NT5DC4: variants seen among roughly 807,000 people sequenced by gnomAD.
The protein encoded by NT5DC4 is 5'-nucleotidase domain containing 4.
NT5DC4 carries 44 observed loss-of-function variants against 26.6 expected under a neutral mutation model. The ratio of observed to expected loss-of-function variants is 1.65; its 90% confidence interval spans 1.30 to 2.13. The LOEUF is 2.13. NT5DC4 is among the 30% of genes most tolerant of loss of function. The pLI is 0.00. For synonymous variants in NT5DC4, 157 were observed against 86.7 expected (o/e 1.81, Z -4.51); for missense variants, 399 against 228.1 (o/e 1.75, Z -4.83).
intron 15 of NT5DC4, among the ~76,000 whole-genome samples, chr2:112,729,059 A>AG (rs761375812): frequency 6.0e-4 from 92 of 152,332 alleles, no homozygotes; most frequent in Non-Finnish European, 1.1e-3. Context: ...AGAACACACC[A>AG]ACCCCCCATC....
upstream of NT5DC4, among the ~76,000 whole-genome samples, chr2:112,719,924 C>CTTTTTCTT (rs758520099): frequency 1.3e-4 from 9 of 69,122 alleles, no homozygotes; most frequent in African/African-American, 5.9e-4. Flanking sequence ...TTCTTTCTTT[C>CTTTTTCTT]TCTTTCTTTC....
intron 15 of NT5DC4, among the ~76,000 whole-genome samples, chr2:112,728,042 C>T (rs559834010): frequency 6.6e-6 from 1 of 152,352 alleles, no homozygotes; most frequent in African/African-American, 2.4e-5. Flanking sequence ...CACTGGTCCC[C>T]AGCCTTGCTA....
upstream of NT5DC4, among the ~76,000 whole-genome samples, chr2:112,720,237 T>C (rs2104692079): frequency 6.9e-6 from 1 of 145,018 alleles, no homozygotes; most frequent in East Asian, 2.0e-4. Flanking sequence ...TTTTTTTTCT[T>C]CGTATTTTTA....
downstream of NT5DC4, among the ~76,000 whole-genome samples, chr2:112,739,316 G>C (rs1243176693): frequency 1.3e-5 from 2 of 152,104 alleles, no homozygotes; most frequent in African/African-American, 4.8e-5. Flanking sequence ...AGCTACTCAG[G>C]AGGGTGAAGT....
chr2:112,720,558 C>A, upstream of NT5DC4, among the ~76,000 whole-genome samples: 1 of 152,128 alleles, frequency 6.6e-6, no homozygotes, highest in East Asian at 1.9e-4. Context: ...TTTCTGCCAC[C>A]CCCCCATTCT....
chr2:112,734,169 ATGTGTG>A (rs59851361), intron 16 of NT5DC4, among the ~76,000 whole-genome samples: 7 of 134,866 alleles, frequency 5.2e-5, no homozygotes, highest in African/African-American at 8.5e-5. Flanking sequence ...TATTATATAT[ATGTGTG>A]TGTGTGTGTG....
Position 112,721,838 on chromosome 2 carries a change from T to G in NT5DC4, c.95T>G (p.Leu32Arg). The part of the protein sequence containing the change: ...WHQRIFVNRS[L>R]ALGKIRCFGF... ...CCCAGGATTTTTGTCAACCGCAGCC[T>G]GGCGCTGGGGAAGATTCGTTGCTTT... The change falls in exon 2 of 17, where the codon CTG becomes CGG. Residue 32 changes from leucine to arginine, a missense_variant. Coordinates refer to ENST00000688554, the MANE Select transcript of NT5DC4 (RefSeq NM_001393655.1). 1 of 717,344 alleles carries G rather than the reference T, an allele frequency of 1.4e-6. No individual in the cohort carries two copies. 44.4% of individuals were successfully genotyped at this position (717,344 alleles called of 1,614,324 possible).
chr2:112,742,875 T>TA (rs1403500858), downstream of NT5DC4: 16 of 703,184 alleles, frequency 2.3e-5, no homozygotes, highest in Non-Finnish European at 3.3e-5. Context: ...AGTTTCCTTT[T>TA]AAAATCTCGT....
At chr2:112,719,966 C>CT (rs1213644900), upstream of NT5DC4, among the ~76,000 whole-genome samples, 2 of 104,084 alleles carry the variant, frequency 1.9e-5, no homozygotes, top group African/African-American at 8.7e-5. Context: ...TTCTTTCTTT[C>CT]TTTCTTTCTT....
At chr2:112,724,405 C>G (rs1194760936) in intron 10 of NT5DC4, 1 of 575,548 alleles carries the variant, frequency 1.7e-6, no homozygotes, top group East Asian at 2.9e-5. Flanking sequence ...CATGGCAGGT[C>G]AAAGGGAGGG....
At chr2:112,729,771 G>A (rs1172245277) in intron 16 of NT5DC4, 67 bp downstream of exon 16, 1 of 715,868 alleles carries the variant, frequency 1.4e-6, no homozygotes, top group African/African-American at 1.7e-5. Context: ...GGTTCCCAGT[G>A]GGGTTGTATC....
chr2:112,719,943 TTTC>T (rs1180154086), upstream of NT5DC4, among the ~76,000 whole-genome samples: 7 of 108,260 alleles, frequency 6.5e-5, 1 homozygote, highest in African/African-American at 2.8e-4. Flanking sequence ...TCTTTCTTTC[TTTC>T]TTTCTTTCTT....
At chr2:112,726,157 G>T (rs1265777980) in intron 13 of NT5DC4, 81 bp from the exon 14 acceptor site, 2 of 712,930 alleles carry the variant, frequency 2.8e-6, no homozygotes, top group East Asian at 5.4e-5. Context: ...CCTCCGCTGG[G>T]CCAGGGCAGA....
Position 112,722,662 on chromosome 2 carries a change from GAGA to G in NT5DC4, c.470-50_470-48del, listed in dbSNP as rs532996918. On this transcript the variant is annotated intron_variant, in intron 5 of 16. Transcript: ENST00000688554. ...TGAGGGTCCCAGCTCTGTCCTGGTG[GAGA>G]ACTGTCTGGCTCCCTGGGCTGACAA... The G allele has an allele frequency of 3.5e-4, 251 of 717,498 alleles. No homozygotes were observed. In the African/African-American group the frequency reaches 3.9e-3, roughly 11 times the overall value. The allele number at this position is 717,498 out of a possible 1,614,324, so 44.4% of individuals were successfully genotyped here. A position where few individuals can be genotyped will look rare whatever the true frequency, so the allele number is the denominator to read the frequency against.
intron 16 of NT5DC4, among the ~76,000 whole-genome samples, chr2:112,732,933 G>T (rs1218639535): frequency 1.3e-5 from 2 of 152,136 alleles, no homozygotes; most frequent in African/African-American, 4.8e-5. Context: ...ATTAACACGT[G>T]TCCTCACTAG....
upstream of NT5DC4, among the ~76,000 whole-genome samples, chr2:112,719,908 C>T (rs1202359678): frequency 1.1e-5 from 1 of 93,884 alleles, no homozygotes; most frequent in Non-Finnish European, 1.9e-5. Flanking sequence ...CTTTCTTTTT[C>T]TTTCTTTCTT....
intron 16 of NT5DC4, among the ~76,000 whole-genome samples, chr2:112,730,244 C>T (rs1272943616): frequency 5.6e-5 from 7 of 124,906 alleles, no homozygotes; most frequent in Non-Finnish European, 1.1e-4. Context: ...ACCCAGGAGG[C>T]GGAGGTTGCG....
At chr2:112,723,899 C>G in intron 9 of NT5DC4, 97 bp downstream of exon 9, 1 of 695,654 alleles carries the variant, frequency 1.4e-6, no homozygotes, top group Non-Finnish European at 2.7e-6. Context: ...GGGCGGGGAG[C>G]CAAGACCCTC....
intron 15 of NT5DC4, among the ~76,000 whole-genome samples, chr2:112,728,966 G>A (rs77225914): frequency 5.9e-5 from 9 of 152,182 alleles, no homozygotes; most frequent in African/African-American, 1.7e-4. Flanking sequence ...GGCCCAGACC[G>A]CTCCTGTGGG....
Sources: gnomAD v4.1 joint callset for allele counts (sites outside exome capture counted in the v4.1 genomes callset) on GRCh38, gnomAD v4.1.1 for gene constraint, MANE v1.5 for transcripts, NCBI Gene and HGNC (gene_info 2026-07-23, HGNC 2026-07-21) for gene names.